LIMD1: variants seen among roughly 807,000 people sequenced by gnomAD.
The protein encoded by LIMD1 is LIM domain containing 1.
A neutral mutation model predicts 58.4 loss-of-function variants in LIMD1; 23 were observed. The observed-to-expected ratio is 0.39, with a 90% CI of 0.28 to 0.56. The LOEUF (loss-of-function observed/expected upper bound fraction) is 0.56. Ranked by LOEUF, LIMD1 falls within the 20% of genes least tolerant of loss-of-function variation. The pLI is 0.57. For missense variants in LIMD1, 838 were observed against 855.5 expected (o/e 0.98, Z 0.25); for synonymous variants, 334 against 345.5 (o/e 0.97, Z 0.37).
chr3:45,603,878 A>T (rs1701442185), intron 1 of LIMD1, among the ~76,000 whole-genome samples: 2 of 152,078 alleles, frequency 1.3e-5, no homozygotes, highest in Admixed American at 6.5e-5. Flanking sequence ...TTGATGTACG[A>T]TGTACACATA....
At chr3:45,654,644 C>T (rs1367155350) in intron 2 of LIMD1, among the ~76,000 whole-genome samples, 3 of 151,730 alleles carry the variant, frequency 2.0e-5, no homozygotes, top group African/African-American at 7.3e-5. Flanking sequence ...GCCTGGGCAA[C>T]ATGGTGAAAC....
chr3:45,622,115 A>G (rs59898409), intron 1 of LIMD1, among the ~76,000 whole-genome samples: 7,102 of 152,034 alleles, frequency 0.047, 201 homozygotes, highest in East Asian at 0.14. Flanking sequence ...GTATTTGCAG[A>G]GTTGTGCAAC....
chr3:45,598,953 A>AT (rs1701383427), intron 1 of LIMD1, among the ~76,000 whole-genome samples: 1 of 152,112 alleles, frequency 6.6e-6, no homozygotes, highest in Admixed American at 6.6e-5. Flanking sequence ...CATTATGCCC[A>AT]TTTTACTGAT....
chr3:45,612,659 C>G (rs1201135677), intron 1 of LIMD1, among the ~76,000 whole-genome samples: 2 of 152,172 alleles, frequency 1.3e-5, no homozygotes. Flanking sequence ...CAGAAAGTTC[C>G]CTCATGCTTC....
chr3:45,676,786 T>C, intron 7 of LIMD1, 136 bp from the exon 8 acceptor site: 1 of 827,868 alleles, frequency 1.2e-6, no homozygotes, highest in Non-Finnish European at 2.0e-6. Context: ...GGGCAGGAGC[T>C]GTGTTTCTGC....
chr3:45,617,072 CGCCCAGGCTGGA>C (rs1265690856), intron 1 of LIMD1, among the ~76,000 whole-genome samples: 7 of 135,302 alleles, frequency 5.2e-5, no homozygotes, highest in Non-Finnish European at 7.7e-5. Context: ...CTAGCTCTGT[CGCCCAGGCTGGA>C]GTGCAGTGGC....
intron 4 of LIMD1, among the ~76,000 whole-genome samples, chr3:45,671,091 A>G (rs932231118): frequency 1.3e-5 from 2 of 152,232 alleles, no homozygotes; most frequent in Admixed American, 1.3e-4. Flanking sequence ...ATGCATTCCA[A>G]GGTCCAAATT....
chr3:45,651,082 G>A (rs1701969812), intron 2 of LIMD1, among the ~76,000 whole-genome samples: 3 of 152,034 alleles, frequency 2.0e-5, no homozygotes, highest in South Asian at 2.1e-4. Flanking sequence ...TTTCTCTGAT[G>A]ACCAGTGATG....
chr3:45,616,183 T>C (rs981697542), intron 1 of LIMD1, among the ~76,000 whole-genome samples: 1 of 152,150 alleles, frequency 6.6e-6, no homozygotes, highest in East Asian at 1.9e-4. Context: ...ATATGAGTAA[T>C]TTTGGAATCA....
rs375656958 is a variant in LIMD1 at position 45,682,360 on chromosome 3, G to C, written c.*5301G>C. The C allele has an allele frequency of 4.6e-5, 7 of 152,354 alleles. No homozygotes were observed. In the South Asian group the frequency reaches 1.5e-3, roughly 32 times the overall value. 9.4% of individuals were successfully genotyped at this position (152,354 alleles called of 1,614,324 possible). On this transcript the variant is annotated 3_prime_UTR_variant, in exon 8 of 8. Transcript: ENST00000273317. ...AAAGCCTTGATATGGAGTGTTTGCTGATACCTATGATGTAAATATTCCCGC... is the reference window on the plus strand; with the variant it reads ...AAAGCCTTGATATGGAGTGTTTGCTCATACCTATGATGTAAATATTCCCGC...
chr3:45,638,510 C>T (rs1456500355), intron 2 of LIMD1, among the ~76,000 whole-genome samples: 3 of 152,126 alleles, frequency 2.0e-5, no homozygotes, highest in Non-Finnish European at 4.4e-5. Context: ...GTGTAGTATT[C>T]CATGGTGTAT....
chr3:45,674,518 C>CA (rs1435999216), intron 7 of LIMD1, 107 bp downstream of exon 7: 5 of 829,468 alleles, frequency 6.0e-6, no homozygotes, highest in Non-Finnish European at 1.0e-5. Flanking sequence ...TGGCAAGGGT[C>CA]AGCCCTCTAG....
At chr3:45,665,608 A>C (rs1697505383) in intron 2 of LIMD1, 42 bp from the exon 3 acceptor site, 1 of 1,554,862 alleles carries the variant, frequency 6.4e-7, no homozygotes, top group Admixed American at 1.7e-5. Context: ...TGCATATTAA[A>C]ATTTTTCTTT....
intron 1 of LIMD1, 27 bp downstream of exon 1, chr3:45,596,314 T>C (rs1283007756): frequency 1.3e-6 from 2 of 1,544,546 alleles, no homozygotes; most frequent in Non-Finnish European, 1.8e-6. Context: ...TGGAGTTGCC[T>C]ATGGTGGGGC....
chr3:45,654,835 GAAA>G (rs1306936874), intron 2 of LIMD1, among the ~76,000 whole-genome samples: 23 of 126,914 alleles, frequency 1.8e-4, no homozygotes, highest in African/African-American at 6.9e-4. Flanking sequence ...AAAAAAAAAA[GAAA>G]AAAGAAAAAA....
intron 2 of LIMD1, among the ~76,000 whole-genome samples, chr3:45,664,551 C>T (rs972210410): frequency 1.6e-4 from 25 of 152,192 alleles, no homozygotes; most frequent in African/African-American, 2.7e-4. Flanking sequence ...CTGGTAGCAA[C>T]GACCACCACA....
intron 1 of LIMD1, among the ~76,000 whole-genome samples, chr3:45,627,669 G>A (rs868839171): frequency 5.9e-5 from 8 of 135,278 alleles, no homozygotes; most frequent in Non-Finnish European, 1.1e-4. Context: ...TAAAGATGGA[G>A]CATCAGGGAC....
At position 45,602,228 on chromosome 3, in the gene LIMD1, G is replaced by A. The variant is rs566203336; in HGVS notation, c.1408+5941G>A. On this transcript the variant is annotated intron_variant, in intron 1 of 7. Transcript: ENST00000273317. ...CTCCCAAAGTGCTGGGATTATAGGC[G>A]TGAGCCACTGCGCCCGGCCTGGGCT... Among the ~76,000 whole-genome samples the A allele has an allele frequency of 2.3e-4, 35 of 152,260 alleles. No homozygotes were observed. In the East Asian group the frequency reaches 6.2e-3, roughly 27 times the overall value.
intron 2 of LIMD1, among the ~76,000 whole-genome samples, chr3:45,637,614 A>C (rs535791234): frequency 1.3e-5 from 2 of 152,284 alleles, no homozygotes; most frequent in African/African-American, 4.8e-5. Context: ...AGCTTCTCAG[A>C]TACTTCCAGG....
Sources: gnomAD v4.1 joint callset for allele counts (sites outside exome capture counted in the v4.1 genomes callset) on GRCh38, gnomAD v4.1.1 for gene constraint, MANE v1.5 for transcripts, NCBI Gene and HGNC (gene_info 2026-07-23, HGNC 2026-07-21) for gene names.